CDC123: variants seen among roughly 807,000 people sequenced by gnomAD.
CDC123 encodes the protein translation initiation factor eIF2 assembly protein.
Under a neutral mutation model 54.4 loss-of-function variants are expected in CDC123, and 37 were observed. That is an observed-to-expected ratio of 0.68 (90% CI 0.52 to 0.89). CDC123 has a LOEUF of 0.89. Ranked by LOEUF, CDC123 falls within the 40% of genes least tolerant of loss-of-function variation. The probability of loss-of-function intolerance (pLI) is 0.00; values close to 1 mark genes in which losing one functional copy is unlikely to be tolerated. For synonymous variants in CDC123, 144 were observed against 136.8 expected, an observed-to-expected ratio of 1.05 and a Z score of -0.37; for missense variants, 361 against 412.1, an observed-to-expected ratio of 0.88 and a Z score of 1.07.
chr10:12,231,135 T>G (rs1835897412), intron 7 of CDC123, 139 bp downstream of exon 7: 20 of 671,784 alleles, frequency 3.0e-5, no homozygotes, highest in South Asian at 2.6e-4. Context: ...TTTAAATTTA[T>G]GAAATATACA....
chr10:12,239,970 T>G (rs954993790), intron 10 of CDC123, among the ~76,000 whole-genome samples: 3 of 145,916 alleles, frequency 2.1e-5, no homozygotes, highest in Admixed American at 6.9e-5. Flanking sequence ...ATCGCGCCAC[T>G]GCACTCCAGC....
At chr10:12,222,180 T>C (rs372666499) in intron 6 of CDC123, among the ~76,000 whole-genome samples, 7 of 152,236 alleles carry the variant, frequency 4.6e-5, no homozygotes, top group East Asian at 1.9e-4. Context: ...CCAGGTTCCA[T>C]TGGACAGGCT....
chr10:12,236,326 C>G (rs1311128828), intron 8 of CDC123, among the ~76,000 whole-genome samples: 2 of 152,146 alleles, frequency 1.3e-5, no homozygotes, highest in Non-Finnish European at 2.9e-5. Context: ...GGGCAAGGTG[C>G]TGTGGCTCAC....
chr10:12,246,332 T>G (rs1266561905), intron 11 of CDC123, 55 bp downstream of exon 11: 2 of 1,594,046 alleles, frequency 1.3e-6, no homozygotes, highest in East Asian at 2.2e-5. Context: ...ACTGACTGAC[T>G]GCTTGTTCTT....
intron 2 of CDC123, among the ~76,000 whole-genome samples, chr10:12,209,333 C>T (rs1385840564): frequency 2.0e-5 from 3 of 152,126 alleles, no homozygotes; most frequent in Admixed American, 2.0e-4. Context: ...AACTCTTGGG[C>T]TCAAGGGATC....
At position 12,210,029 on chromosome 10, in the gene CDC123, G is replaced by T; in HGVS notation, c.204+5G>T. 1.9e-6 allele frequency: 3 copies of T among 1,613,728 alleles called. No individual in the cohort carries two copies. In the South Asian group the frequency reaches 3.3e-5, roughly 18 times the overall value. On this transcript the variant is annotated splice_donor_5th_base_variant and intron_variant, in intron 3 of 12. Coordinates refer to ENST00000281141, the MANE Select transcript of CDC123 (RefSeq NM_006023.3). ...GATGAAGCAGAAGAAATACAGGTTG[G>T]TACCAAATAAAATAATCTGTTCTGT...
intron 5 of CDC123, among the ~76,000 whole-genome samples, 169 bp from the exon 6 acceptor site, chr10:12,217,192 G>A (rs546761417): frequency 6.6e-6 from 1 of 152,160 alleles, no homozygotes; most frequent in African/African-American, 2.4e-5. Flanking sequence ...CAGTGGTGAC[G>A]CTTTTTGTTG....
intron 11 of CDC123, among the ~76,000 whole-genome samples, chr10:12,248,804 TA>T (rs34879673): frequency 0.63 from 92,639 of 146,832 alleles, 28,921 homozygotes; most frequent in Middle Eastern, 0.69. Flanking sequence ...AAACTTCGTC[TA>T]AAAAAAAAAA....
intron 5 of CDC123, 99 bp downstream of exon 5, chr10:12,215,934 T>C: frequency 1.5e-6 from 1 of 664,862 alleles, no homozygotes; most frequent in Non-Finnish European, 2.4e-6. Flanking sequence ...ATATTCCTAA[T>C]TCTAGGAAAA....
intron 10 of CDC123, 140 bp from the exon 11 acceptor site, chr10:12,246,009 G>T: frequency 1.2e-6 from 1 of 830,010 alleles, no homozygotes; most frequent in South Asian, 1.8e-5. Flanking sequence ...GGTCGAGGCT[G>T]CAGTGAGCCG....
chr10:12,200,116 C>T (rs752603381), intron 2 of CDC123, among the ~76,000 whole-genome samples: 26 of 59,002 alleles, frequency 4.4e-4, no homozygotes, highest in African/African-American at 1.8e-3. Flanking sequence ...CCACCGCACT[C>T]GGCATTTTTT....
intron 10 of CDC123, among the ~76,000 whole-genome samples, chr10:12,242,489 A>G (rs1836071986): frequency 6.6e-6 from 1 of 152,202 alleles, no homozygotes; most frequent in African/African-American, 2.4e-5. Context: ...TACGATCTTC[A>G]TGCCCAGTGC....
At chr10:12,224,765 AT>A (rs34650220) in intron 6 of CDC123, among the ~76,000 whole-genome samples, 1 of 152,106 alleles carries the variant, frequency 6.6e-6, no homozygotes, top group East Asian at 1.9e-4. Context: ...TTTGGGGAAT[AT>A]TTTGTGGTGG....
At chr10:12,220,452 A>G (rs1454883568) in intron 6 of CDC123, among the ~76,000 whole-genome samples, 1 of 152,278 alleles carries the variant, frequency 6.6e-6, no homozygotes, top group African/African-American at 2.4e-5. Context: ...ACAAAATGCC[A>G]TCCTTCTGCT....
At chr10:12,213,362 G>A (rs1835627279) in intron 4 of CDC123, among the ~76,000 whole-genome samples, 2 of 152,150 alleles carry the variant, frequency 1.3e-5, no homozygotes, top group Non-Finnish European at 2.9e-5. Context: ...AGTCTGCTTG[G>A]GAGGAGACAT....
chr10:12,203,786 GA>G (rs1835476663), intron 2 of CDC123, among the ~76,000 whole-genome samples: 1 of 152,038 alleles, frequency 6.6e-6, no homozygotes, highest in Non-Finnish European at 1.5e-5. Flanking sequence ...GTTGTGTTGC[GA>G]AAAATGTTTT....
intron 12 of CDC123, chr10:12,249,936 C>T: frequency 3.4e-6 from 2 of 590,828 alleles, no homozygotes; most frequent in South Asian, 3.0e-5. Context: ...TTATGCTGTA[C>T]ATGCCTTTTG....
chr10:12,228,407 T>C (rs1185310382), intron 6 of CDC123, among the ~76,000 whole-genome samples: 1 of 87,572 alleles, frequency 1.1e-5, no homozygotes, highest in Non-Finnish European at 2.7e-5. Flanking sequence ...AGGTTGTTTT[T>C]AGTTTTTTTT....
chr10:12,244,318 A>G (rs2131769223), intron 10 of CDC123, among the ~76,000 whole-genome samples: 1 of 152,394 alleles, frequency 6.6e-6, no homozygotes, highest in Admixed American at 6.5e-5. Flanking sequence ...ACCAGATGGC[A>G]CAAATATATG....
Sources: gnomAD v4.1 joint callset for allele counts (sites outside exome capture counted in the v4.1 genomes callset) on GRCh38, gnomAD v4.1.1 for gene constraint, MANE v1.5 for transcripts, NCBI Gene and HGNC (gene_info 2026-07-23, HGNC 2026-07-21) for gene names.